Variants in HIVEP2 observed in about 807,000 individuals in gnomAD.
HIVEP2 encodes the protein transcription factor HIVEP2.
Under a neutral mutation model 180.7 loss-of-function variants are expected in HIVEP2, and 14 were observed. The observed-to-expected ratio is 0.08, with a 90% CI of 0.05 to 0.12. HIVEP2 has a LOEUF of 0.12. HIVEP2 is among the 10% of genes least tolerant of loss of function. The pLI is 1.00. For synonymous variants in HIVEP2, 1,184 were observed against 1,136.4 expected (o/e 1.04, Z -0.84); for missense variants, 2,579 against 3,008.5 (o/e 0.86, Z 3.34).
intron 2 of HIVEP2, among the ~76,000 whole-genome samples, chr6:142,793,673 T>TTC (rs71546219): frequency 1.5e-3 from 163 of 107,504 alleles, no homozygotes; most frequent in African/African-American, 4.7e-3. Flanking sequence ...CTTTCTTTCT[T>TTC]TCTCTCTCTC....
At chr6:142,873,265 G>A (rs1776342292) in intron 1 of HIVEP2, among the ~76,000 whole-genome samples, 1 of 152,226 alleles carries the variant, frequency 6.6e-6, no homozygotes, top group East Asian at 1.9e-4. Flanking sequence ...GAAAAAAAAT[G>A]GCTGTGTGCC....
At chr6:142,832,082 C>T (rs1775101338) in intron 2 of HIVEP2, among the ~76,000 whole-genome samples, 1 of 151,530 alleles carries the variant, frequency 6.6e-6, no homozygotes. Flanking sequence ...ATACCAGCTA[C>T]TAGGGAGGCT....
chr6:142,929,866 C>T (rs1357882639), intron 1 of HIVEP2, among the ~76,000 whole-genome samples: 1 of 152,176 alleles, frequency 6.6e-6, no homozygotes, highest in East Asian at 1.9e-4. Flanking sequence ...TCCACATTTT[C>T]ATAGACTTTG....
intron 2 of HIVEP2, among the ~76,000 whole-genome samples, chr6:142,790,078 G>A (rs777282987): frequency 4.6e-5 from 7 of 152,032 alleles, no homozygotes; most frequent in African/African-American, 7.2e-5. Context: ...CTCTTATAAC[G>A]AAAATTTTTC....
At chr6:142,798,821 A>T (rs1235201298) in intron 2 of HIVEP2, among the ~76,000 whole-genome samples, 1 of 152,158 alleles carries the variant, frequency 6.6e-6, no homozygotes, top group Non-Finnish European at 1.5e-5. Flanking sequence ...TGGGATACTA[A>T]TAGTTATTAT....
chr6:142,784,433 C>CT (rs1363692461), intron 2 of HIVEP2, among the ~76,000 whole-genome samples: 1 of 152,130 alleles, frequency 6.6e-6, no homozygotes, highest in African/African-American at 2.4e-5. Context: ...ATTCAAAGTG[C>CT]TTAAAGGAAG....
intron 1 of HIVEP2, among the ~76,000 whole-genome samples, chr6:142,857,173 C>G (rs1775844777): frequency 6.6e-6 from 1 of 150,698 alleles, no homozygotes. Flanking sequence ...GTAGAAACAT[C>G]TAAAACGCTG....
At chr6:142,919,910 G>A (rs1777646047) in intron 1 of HIVEP2, among the ~76,000 whole-genome samples, 1 of 152,296 alleles carries the variant, frequency 6.6e-6, no homozygotes, top group African/African-American at 2.4e-5. Context: ...CCTCAAAGGA[G>A]GCAGAAATGT....
At chr6:142,882,549 G>A (rs1013513881) in intron 1 of HIVEP2, among the ~76,000 whole-genome samples, 2 of 151,660 alleles carry the variant, frequency 1.3e-5, no homozygotes, top group African/African-American at 2.4e-5. Flanking sequence ...AGGAAGTCAA[G>A]GCTACAATGA....
chr6:142,820,304 T>C (rs1776996155), intron 2 of HIVEP2, among the ~76,000 whole-genome samples: 1 of 151,724 alleles, frequency 6.6e-6, no homozygotes, highest in South Asian at 2.1e-4. Context: ...CTCTTCTCTC[T>C]CTCTCTCTCT....
chr6:142,923,068 T>G (rs1777721054), intron 1 of HIVEP2, among the ~76,000 whole-genome samples: 1 of 152,210 alleles, frequency 6.6e-6, no homozygotes, highest in Non-Finnish European at 1.5e-5. Flanking sequence ...GCGCGGTGGC[T>G]CATGCCTGGT....
intron 1 of HIVEP2, among the ~76,000 whole-genome samples, chr6:142,878,246 A>G (rs1776494627): frequency 6.6e-6 from 1 of 152,152 alleles, no homozygotes; most frequent in Admixed American, 6.5e-5. Flanking sequence ...GTACTCTAAA[A>G]TCACGTTAAC....
chr6:142,774,088 A>G lies in HIVEP2; in HGVS notation c.651T>C (p.Tyr217=), dbSNP rs905419797. The G allele has an allele frequency of 2.5e-6, 4 of 1,614,168 alleles. No homozygotes were observed. Among genetic ancestry groups the G allele is most frequent in the Non-Finnish European group, 3.4e-6 (4 of 1,180,028 alleles). Residue 217 remains tyrosine, a synonymous_variant, in exon 5 of 10, where the codon TAT becomes TAC. Transcript: ENST00000367603. The surrounding 1 kb of genome is among the most constrained non-coding windows in gnomAD (Gnocchi z 5.1). ...AAGAGAAACCACAAGGTATACATGG[A>G]TATGGCCGCTCCCCAGTATGGGACC... is the stretch of plus-strand genomic sequence containing the variant. ...HIRSHTGERP[Y]PCIPCGFSFK...
At chr6:142,895,841 T>C (rs367588218) in intron 1 of HIVEP2, among the ~76,000 whole-genome samples, 41 of 152,284 alleles carry the variant, frequency 2.7e-4, no homozygotes, top group African/African-American at 9.4e-4. Context: ...ACCCAACCTG[T>C]TTCATTTGAG....
chr6:142,777,648 CAAAAAAAAAAAAAAAAAAA>C (rs58304452), intron 3 of HIVEP2, among the ~76,000 whole-genome samples: 5 of 27,708 alleles, frequency 1.8e-4, no homozygotes, highest in Non-Finnish European at 2.3e-4. Context: ...AACTCCATCT[CAAAAAAAAAAAAAAAAAAA>C]AAAAAAAAAA....
In HIVEP2 at chr6:142,773,997, C is replaced by T; in HGVS notation, c.742G>A (p.Val248Ile). ...GATACAGCTGACTCTGTGAAAGGTA[C>T]TAATCCTGCCTTAATTGCATGGGCA... ...SHAHAIKAGL[V>I]PFTESAVSKL... The change falls in exon 5 of 10, where the codon GTA (valine) becomes ATA (isoleucine). Residue 248 changes from valine to isoleucine, a missense_variant. Val to Ile is a conservative substitution (Grantham distance 29, BLOSUM62 3). This residue lies in a region of HIVEP2 where 142 missense variants were observed against 135.2 expected (regional missense o/e 1.05). Coordinates refer to ENST00000367603, the MANE Select transcript of HIVEP2 (RefSeq NM_006734.4). 3 of 1,614,242 alleles carry T rather than the reference C, an allele frequency of 1.9e-6. No homozygotes were observed. The highest frequency in any genetic ancestry group is 1.1e-5 in the South Asian group (1 of 91,088).
At chr6:142,823,334 C>A (rs1283761657) in intron 2 of HIVEP2, among the ~76,000 whole-genome samples, 1 of 152,166 alleles carries the variant, frequency 6.6e-6, no homozygotes, top group Non-Finnish European at 1.5e-5. Flanking sequence ...TGTCCTGTAA[C>A]CCTAAACCCC....
intron 1 of HIVEP2, among the ~76,000 whole-genome samples, chr6:142,935,528 G>A (rs752619442): frequency 6.6e-6 from 1 of 152,118 alleles, no homozygotes; most frequent in African/African-American, 2.4e-5. Context: ...TCCAGTGGGG[G>A]CAACAGAGTG....
intron 2 of HIVEP2, among the ~76,000 whole-genome samples, chr6:142,810,145 G>A (rs1442308471): frequency 3.3e-5 from 5 of 152,250 alleles, no homozygotes; most frequent in Middle Eastern, 3.4e-3. Flanking sequence ...TGTTGTCAGG[G>A]CCACAGGTTA....
Sources: allele counts gnomAD v4.1 joint callset (sites outside exome capture counted in the v4.1 genomes callset), GRCh38; gene constraint gnomAD v4.1.1; regional missense constraint gnomAD v4.1.1; non-coding constraint Gnocchi (gnomAD v3.1); transcripts MANE v1.5; gene names NCBI Gene and HGNC (gene_info 2026-07-23, HGNC 2026-07-21).